Variants in IL1RAPL1 observed in about 807,000 individuals in gnomAD.
IL1RAPL1 encodes interleukin-1 receptor accessory protein-like 1.
A neutral mutation model predicts 48.4 loss-of-function variants in IL1RAPL1; 3 were observed. That is an observed-to-expected ratio of 0.06 (90% CI 0.03 to 0.16). The LOEUF (loss-of-function observed/expected upper bound fraction) is 0.16. Ranked by LOEUF, IL1RAPL1 falls within the 10% of genes least tolerant of loss-of-function variation. The probability of loss-of-function intolerance (pLI) is 1.00; values close to 1 mark genes in which losing one functional copy is unlikely to be tolerated. For synonymous variants in IL1RAPL1, 185 were observed against 187.7 expected, an observed-to-expected ratio of 0.99 and a Z score of 0.12; for missense variants, 349 against 530.6, an observed-to-expected ratio of 0.66 and a Z score of 3.36.
intron 6 of IL1RAPL1, among the ~76,000 whole-genome samples, chrX:29,916,087 T>G (rs1334542801): frequency 1.0e-5 from 1 of 100,161 alleles, no homozygotes; most frequent in Non-Finnish European, 2.0e-5. Flanking sequence ...ACTCATCATT[T>G]TTTATGGCTG....
At chrX:29,349,072 A>T (rs944205690) in intron 3 of IL1RAPL1, among the ~76,000 whole-genome samples, 1 of 112,515 alleles carries the variant, frequency 8.9e-6, no homozygotes, top group Non-Finnish European at 1.9e-5. Flanking sequence ...CAGAATGAAG[A>T]CCCAAAGACA....
At chrX:28,744,686 G>A (rs1041664393) in intron 1 of IL1RAPL1, among the ~76,000 whole-genome samples, 6 of 111,493 alleles carry the variant, frequency 5.4e-5, no homozygotes, top group Non-Finnish European at 1.1e-4. Context: ...CAGAACAGGT[G>A]GTTAATTTTG....
intron 5 of IL1RAPL1, among the ~76,000 whole-genome samples, chrX:29,518,023 T>C (rs751863569): frequency 8.9e-6 from 1 of 111,931 alleles, no homozygotes; most frequent in Admixed American, 9.5e-5. Context: ...GGTTAGGCAA[T>C]ATTCTGGCCA....
chrX:29,354,578 CTA>C (rs1054946461), intron 3 of IL1RAPL1, among the ~76,000 whole-genome samples: 4 of 112,023 alleles, frequency 3.6e-5, no homozygotes, highest in African/African-American at 1.3e-4. Context: ...TGACTGGGAA[CTA>C]TGTCTCACTT....
intron 3 of IL1RAPL1, among the ~76,000 whole-genome samples, chrX:29,337,286 G>GT (rs1933009265): frequency 8.9e-6 from 1 of 112,023 alleles, no homozygotes; most frequent in African/African-American, 3.2e-5. Flanking sequence ...TAGGTTTTGA[G>GT]TTTATCAGTT....
At chrX:28,598,451 TTGAAGACAAAA>T (rs1209273319) in intron 1 of IL1RAPL1, among the ~76,000 whole-genome samples, 2 of 111,123 alleles carry the variant, frequency 1.8e-5, no homozygotes, top group East Asian at 5.7e-4. Flanking sequence ...TAGCCAAACG[TTGAAGACAAAA>T]TGAGAAAAAA....
intron 1 of IL1RAPL1, among the ~76,000 whole-genome samples, chrX:28,649,703 A>G (rs1180653787): frequency 1.8e-5 from 2 of 112,492 alleles, no homozygotes; most frequent in Non-Finnish European, 3.8e-5. Flanking sequence ...GGATGCCATC[A>G]TAGGAAGCCG....
intron 5 of IL1RAPL1, among the ~76,000 whole-genome samples, chrX:29,562,097 CTATCTATCTATCTATCTA>C (rs1922237019): frequency 5.7e-4 from 41 of 71,577 alleles, no homozygotes; most frequent in African/African-American, 2.4e-3. Flanking sequence ...ATCTGTCTAT[CTATCTATCTATCTATCTA>C]ATCTATCTAT....
intron 6 of IL1RAPL1, among the ~76,000 whole-genome samples, chrX:29,695,923 C>T (rs756596869): frequency 3.6e-5 from 4 of 111,480 alleles, no homozygotes; most frequent in African/African-American, 1.3e-4. Flanking sequence ...TAATGGAAAA[C>T]TTCAGAATAG....
At chrX:28,913,184 A>G (rs1458056545) in intron 2 of IL1RAPL1, among the ~76,000 whole-genome samples, 1 of 111,661 alleles carries the variant, frequency 9.0e-6, no homozygotes, top group Non-Finnish European at 1.9e-5. Context: ...GTTCTGTAGA[A>G]GTTTATTAAA....
At chrX:29,280,723 G>A (rs1248731801) in intron 2 of IL1RAPL1, among the ~76,000 whole-genome samples, 4 of 111,872 alleles carry the variant, frequency 3.6e-5, no homozygotes, top group African/African-American at 6.5e-5. Flanking sequence ...ACATTCAACC[G>A]GGGAGACAGA....
chrX:28,813,108 G>A (rs776222181), intron 2 of IL1RAPL1, among the ~76,000 whole-genome samples: 13 of 110,728 alleles, frequency 1.2e-4, no homozygotes, highest in Non-Finnish European at 2.1e-4. Context: ...TTTCTGTTTC[G>A]TTGTATTTTT....
intron 6 of IL1RAPL1, among the ~76,000 whole-genome samples, chrX:29,726,016 C>T (rs371435552): frequency 1.1e-4 from 12 of 111,884 alleles, no homozygotes; most frequent in African/African-American, 3.6e-4. Flanking sequence ...ACAACAAGCA[C>T]GCAACAAGCA....
intron 3 of IL1RAPL1, among the ~76,000 whole-genome samples, chrX:29,386,230 G>A (rs983509564): frequency 4.5e-5 from 5 of 110,887 alleles, no homozygotes; most frequent in Middle Eastern, 4.7e-3. Context: ...GGATTTCACC[G>A]TCTTGGCCAG....
At chrX:29,648,206 A>G (rs1403301484) in intron 5 of IL1RAPL1, among the ~76,000 whole-genome samples, 1 of 112,051 alleles carries the variant, frequency 8.9e-6, no homozygotes, top group Non-Finnish European at 1.9e-5. Context: ...CAGTAGGGGC[A>G]TTCAACAACC....
chrX:28,824,707 T>C (rs1388068241), intron 2 of IL1RAPL1, among the ~76,000 whole-genome samples: 1 of 111,639 alleles, frequency 9.0e-6, no homozygotes, highest in Non-Finnish European at 1.9e-5. Context: ...TTACACTGTA[T>C]GTGGCTGTGC....
intron 6 of IL1RAPL1, among the ~76,000 whole-genome samples, chrX:29,917,243 T>C (rs1480093735): frequency 8.9e-6 from 1 of 112,415 alleles, no homozygotes; most frequent in Non-Finnish European, 1.9e-5. Flanking sequence ...CCAGTCCTCT[T>C]GGAAATTTTA....
chrX:28,809,581 A>G (rs2147275302), intron 2 of IL1RAPL1, among the ~76,000 whole-genome samples: 1 of 110,711 alleles, frequency 9.0e-6, no homozygotes, highest in South Asian at 3.8e-4. Context: ...ACAGGTAGTG[A>G]CGAAGAATCA....
intron 1 of IL1RAPL1, among the ~76,000 whole-genome samples, chrX:28,614,062 AAC>A (rs1189623968): frequency 8.9e-6 from 1 of 111,886 alleles, no homozygotes; most frequent in Non-Finnish European, 1.9e-5. Context: ...GGCAGTACTT[AAC>A]CTGCTGGAAA....
Sources: allele counts gnomAD v4.1 joint callset (sites outside exome capture counted in the v4.1 genomes callset), GRCh38; gene constraint gnomAD v4.1.1; transcripts MANE v1.5; gene names NCBI Gene and HGNC (gene_info 2026-07-23, HGNC 2026-07-21).